Variants in TENM3 observed in about 807,000 individuals in gnomAD.
TENM3 encodes the protein teneurin transmembrane protein 3.
Under a neutral mutation model 255.1 loss-of-function variants are expected in TENM3, and 63 were observed. The observed-to-expected ratio is 0.25, with a 90% confidence interval of 0.20 to 0.30. The LOEUF (loss-of-function observed/expected upper bound fraction) is 0.30, where lower values mean the gene tolerates loss of function less well. Among genes scored for constraint, TENM3 ranks in the 10% least tolerant of loss-of-function variants. The probability of loss-of-function intolerance (pLI) is 1.00; values close to 1 mark genes in which losing one functional copy is unlikely to be tolerated. For missense variants in TENM3, 2,929 were observed against 3,461.1 expected, an observed-to-expected ratio of 0.85 and a Z score of 3.86; for synonymous variants, 1,306 against 1,322.3, an observed-to-expected ratio of 0.99 and a Z score of 0.27.
the TENM3 span, among the ~76,000 whole-genome samples, chr4:181,500,400 G>A: frequency 6.6e-6 from 1 of 151,982 alleles, no homozygotes; most frequent in Non-Finnish European, 1.5e-5. Flanking sequence ...CGGGGGTGGG[G>A]GAGGCTGGAC....
intron 13 of TENM3, among the ~76,000 whole-genome samples, chr4:182,725,360 C>CAGT: frequency 6.6e-6 from 1 of 152,066 alleles, no homozygotes. Context: ...GATATTGGAG[C>CAGT]AGTAGGTCAA....
chr4:182,015,444 G>C, the TENM3 span, among the ~76,000 whole-genome samples: 33 of 152,254 alleles, frequency 2.2e-4, no homozygotes, highest in African/African-American at 7.2e-4. Context: ...CTTCTTACTG[G>C]ATTTCCTAAA....
chr4:182,629,788 A>G (rs1026012250), intron 5 of TENM3, among the ~76,000 whole-genome samples: 1 of 152,130 alleles, frequency 6.6e-6, no homozygotes, highest in Non-Finnish European at 1.5e-5. Flanking sequence ...AGCTGTATGT[A>G]GAATACTATG....
At chr4:181,681,501 A>G in the TENM3 span, among the ~76,000 whole-genome samples, 16 of 152,250 alleles carry the variant, frequency 1.1e-4, no homozygotes, top group African/African-American at 3.4e-4. Context: ...ACCCACAACT[A>G]GAAAGTATTT....
chr4:182,656,148 G>A (rs1005280647), intron 6 of TENM3, among the ~76,000 whole-genome samples: 1 of 152,126 alleles, frequency 6.6e-6, no homozygotes, highest in South Asian at 2.1e-4. Flanking sequence ...CTTCCTAGAT[G>A]TGTAAAAGTC....
intron 3 of TENM3, among the ~76,000 whole-genome samples, chr4:182,461,799 A>G (rs1197277522): frequency 1.3e-5 from 2 of 152,162 alleles, no homozygotes; most frequent in East Asian, 3.9e-4. Context: ...CTCAGCGGGT[A>G]CTTGTTGAAT....
At chr4:181,601,349 T>G in the TENM3 span, among the ~76,000 whole-genome samples, 1 of 152,186 alleles carries the variant, frequency 6.6e-6, no homozygotes, top group Non-Finnish European at 1.5e-5. Context: ...TCTGGGTGAC[T>G]TAAACAAATT....
At chr4:182,610,652 C>T (rs1748901241) in intron 4 of TENM3, among the ~76,000 whole-genome samples, 1 of 152,130 alleles carries the variant, frequency 6.6e-6, no homozygotes, top group South Asian at 2.1e-4. Context: ...CACTGTCCTC[C>T]AGCCTGGGCA....
At chr4:181,581,769 A>G in the TENM3 span, among the ~76,000 whole-genome samples, 104,097 of 148,344 alleles carry the variant, frequency 0.7, 36,957 homozygotes, top group African/African-American at 0.83. Flanking sequence ...GTCTCCCTCT[A>G]TTGCCCAGGC....
the TENM3 span, among the ~76,000 whole-genome samples, chr4:181,747,979 C>A: frequency 6.6e-6 from 1 of 151,982 alleles, no homozygotes. Context: ...CTGTCATTCT[C>A]TTGGCATGTC....
intron 3 of TENM3, among the ~76,000 whole-genome samples, chr4:182,347,962 T>C (rs947837854): frequency 6.6e-6 from 1 of 152,242 alleles, no homozygotes; most frequent in Non-Finnish European, 1.5e-5. Flanking sequence ...GGTGACTTTG[T>C]CAGCTTTGCT....
chr4:182,285,581 A>G (rs1316548817), intron 1 of TENM3, among the ~76,000 whole-genome samples: 1 of 152,224 alleles, frequency 6.6e-6, no homozygotes, highest in Non-Finnish European at 1.5e-5. Context: ...CAAGTCCTCT[A>G]GAAGGTGCAT....
chr4:182,062,532 T>G, the TENM3 span, among the ~76,000 whole-genome samples: 1 of 152,260 alleles, frequency 6.6e-6, no homozygotes, highest in Non-Finnish European at 1.5e-5. Context: ...TTATACCGTG[T>G]TGACAGATTT....
At chr4:182,259,719 C>A (rs1031252812) in intron 1 of TENM3, among the ~76,000 whole-genome samples, 1 of 152,104 alleles carries the variant, frequency 6.6e-6, no homozygotes, top group Non-Finnish European at 1.5e-5. Context: ...ATTAGTATAA[C>A]TGGGATATCC....
intron 16 of TENM3, among the ~76,000 whole-genome samples, chr4:182,735,190 A>G (rs1761068700): frequency 6.6e-6 from 1 of 152,190 alleles, no homozygotes; most frequent in Admixed American, 6.5e-5. Context: ...TATTTTGCTT[A>G]AGACCGTTTT....
the TENM3 span, among the ~76,000 whole-genome samples, chr4:181,890,531 G>T: frequency 6.6e-6 from 1 of 151,976 alleles, no homozygotes; most frequent in Admixed American, 6.6e-5. Flanking sequence ...ACTATTAAAA[G>T]GTTTCTAAAT....
chr4:181,769,398 G>A, the TENM3 span, among the ~76,000 whole-genome samples: 4 of 152,162 alleles, frequency 2.6e-5, no homozygotes, highest in African/African-American at 9.7e-5. Flanking sequence ...ACTAGGTGTT[G>A]ACCTTGGGCG....
the TENM3 span, among the ~76,000 whole-genome samples, chr4:181,809,888 C>T: frequency 6.6e-6 from 1 of 152,104 alleles, no homozygotes; most frequent in South Asian, 2.1e-4. Context: ...AGGCAGGGAA[C>T]ACACTCTCCC....
At chr4:182,661,084 C>G (rs1754184102) in intron 6 of TENM3, among the ~76,000 whole-genome samples, 1 of 151,318 alleles carries the variant, frequency 6.6e-6, no homozygotes, top group African/African-American at 2.4e-5. Flanking sequence ...CAAAAGAACT[C>G]TTTTTGTATG....
Sources: gnomAD v4.1 joint callset for allele counts (sites outside exome capture counted in the v4.1 genomes callset) on GRCh38, gnomAD v4.1.1 for gene constraint, MANE v1.5 for transcripts, NCBI Gene and HGNC (gene_info 2026-07-23, HGNC 2026-07-21) for gene names.